The following MMS19 variants were observed in gnomAD, a reference collection of about 807,000 sequenced individuals.
MMS19 encodes MMS19 nucleotide excision repair protein homolog.
MMS19 carries 77 observed loss-of-function variants against 129.8 expected under a neutral mutation model. The ratio of observed to expected loss-of-function variants is 0.59; its 90% confidence interval spans 0.49 to 0.72. The LOEUF (loss-of-function observed/expected upper bound fraction) is 0.72, where lower values mean the gene tolerates loss of function less well. MMS19 is among the 30% of genes least tolerant of loss of function. The pLI is 0.00. For missense variants in MMS19, 1,168 were observed against 1,266.3 expected (o/e 0.92, Z 1.18); for synonymous variants, 491 against 502.8 (o/e 0.98, Z 0.31).
rs144196276 is a variant in MMS19, at chr10:97,469,654, G to A, written c.916C>T (p.Arg306Cys). 11 of 1,613,406 alleles carry A rather than the reference G, an allele frequency of 6.8e-6. No individual in the cohort carries two copies. The highest frequency in any genetic ancestry group is 2.2e-5 in the East Asian group (1 of 44,876). Residue 306 changes from arginine to cysteine, a missense_variant, in exon 11 of 31, where the codon CGC (arginine) becomes TGC (cysteine). This residue lies in a region of MMS19 where 831 missense variants were observed against 910.8 expected (regional missense o/e 0.91). Transcript: ENST00000438925. ...DFLPSLWASI[R>C]REVFQTASER... ...ATCTGAGTGACACTCACCTCTCTGC[G>A]GATAGAAGCCCAAAGGCTGGGGAGG...
intron 8 of MMS19, 77 bp downstream of exon 8, chr10:97,476,606 C>A: frequency 7.2e-7 from 1 of 1,396,708 alleles, no homozygotes; most frequent in East Asian, 2.3e-5. Context: ...GACCTGTACC[C>A]TCAGTGCCCA....
intron 1 of MMS19, among the ~76,000 whole-genome samples, chr10:97,488,478 T>C (rs1383677950): frequency 3.3e-5 from 5 of 152,222 alleles, no homozygotes; most frequent in African/African-American, 1.2e-4. Flanking sequence ...CATGAGAGAC[T>C]GGCTCCAGGA....
chr10:97,459,371 G>C lies in MMS19; in HGVS notation c.2895C>G (p.Ser965Arg). The C allele has an allele frequency of 6.2e-7, 1 of 1,605,670 alleles. No homozygotes were observed. The highest frequency in any genetic ancestry group is 1.3e-5 in the African/African-American group (1 of 74,906). ...LVTKFLNLSS[S>R]PSMAVRIAAL... ...CTGGGGCTCAACGCACCATGGAAGG[G>C]CTAGAGCTGAGGTTCAGAAACTTGG... is the stretch of plus-strand genomic sequence containing the variant. The change falls in exon 28 of 31, where the codon AGC becomes AGG. Residue 965 changes from serine (S) to arginine (R), a missense_variant. Ser to Arg is a moderately radical substitution (Grantham distance 110). Coordinates refer to ENST00000438925, the MANE Select transcript of MMS19 (RefSeq NM_022362.5).
rs751852210 is a variant in MMS19 at position 97,477,908 on chromosome 10, G to A, written c.370C>T (p.Pro124Ser). Residue 124 changes from proline (P) to serine (S), a missense_variant, in exon 5 of 31, where the codon CCA becomes TCA. Transcript: ENST00000438925. ...TTAAGCACAGAAACAGCCAGCCCTG[G>A]GGGCAGGGCCACACACAGGCTCTGG... ...KALSLCVALP[P>S]GLAVSVLKAI... The A allele has an allele frequency of 6.2e-7, 1 of 1,607,386 alleles. No individual in the cohort carries two copies. Among genetic ancestry groups the A allele is most frequent in the East Asian group, 2.2e-5 (1 of 44,782 alleles).
chr10:97,490,164 G>C (rs907580853), intron 1 of MMS19, among the ~76,000 whole-genome samples: 3 of 151,938 alleles, frequency 2.0e-5, no homozygotes, highest in Non-Finnish European at 4.4e-5. Flanking sequence ...CTGCAGCCTC[G>C]ACTTCCCAGG....
In MMS19 at chr10:97,468,409, A is replaced by G; in HGVS notation, c.1064-3T>C. The G allele has an allele frequency of 1.3e-6, 2 of 1,599,774 alleles. No individual in the cohort carries two copies. Among genetic ancestry groups the G allele is most frequent in the Non-Finnish European group, 1.7e-6 (2 of 1,170,384 alleles). ...TTCACACAGGTGGTGCCTGCAGTCT[A>G]GAGAAGCAGCACATCACAGAGCTGG... On this transcript the variant is annotated splice_polypyrimidine_tract_variant and splice_region_variant and intron_variant, in intron 12 of 30. Coordinates refer to ENST00000438925, the MANE Select transcript of MMS19 (RefSeq NM_022362.5).
intron 1 of MMS19, among the ~76,000 whole-genome samples, chr10:97,496,209 T>C (rs1412314739): frequency 1.3e-5 from 2 of 152,094 alleles, no homozygotes; most frequent in Non-Finnish European, 1.5e-5. Flanking sequence ...AAAATATAAA[T>C]TTTGCAAAAA....
At chr10:97,487,318 C>CTTTTTTT (rs201462938) in intron 1 of MMS19, among the ~76,000 whole-genome samples, 1 of 137,668 alleles carries the variant, frequency 7.3e-6, no homozygotes, top group Non-Finnish European at 1.6e-5. Context: ...GAGAAAATTT[C>CTTTTTTT]TTTTTTTTTT....
intron 13 of MMS19, 32 bp from the exon 14 acceptor site, chr10:97,467,615 G>A (rs763473640): frequency 3.7e-6 from 6 of 1,601,262 alleles, no homozygotes; most frequent in Non-Finnish European, 5.1e-6. Flanking sequence ...TAGAGTCAAA[G>A]AATATTTTAA....
intron 21 of MMS19, 43 bp downstream of exon 21, chr10:97,461,973 TA>T (rs760858902): frequency 3.6e-5 from 55 of 1,530,098 alleles, no homozygotes; most frequent in East Asian, 7.2e-5. Context: ...AGATTAGCCC[TA>T]AAAAAAAACC....
chr10:97,488,057 C>A (rs765445716), intron 1 of MMS19, among the ~76,000 whole-genome samples: 6 of 151,888 alleles, frequency 4.0e-5, no homozygotes, highest in Non-Finnish European at 7.4e-5. Flanking sequence ...CCACTGCACT[C>A]CAGCCTGGGT....
chr10:97,459,163 A>G, intron 29 of MMS19, 60 bp downstream of exon 29: 2 of 1,533,288 alleles, frequency 1.3e-6, no homozygotes, highest in Non-Finnish European at 8.8e-7. Flanking sequence ...TAAGGCAAAA[A>G]GGTACTTATG....
intron 14 of MMS19, 120 bp from the exon 15 acceptor site, chr10:97,467,021 C>T: frequency 8.9e-7 from 1 of 1,118,074 alleles, no homozygotes; most frequent in Non-Finnish European, 1.3e-6. Flanking sequence ...CTCTGTTGCC[C>T]AGGCTGGAGT....
Position 97,469,123 on chromosome 10 carries a change from A to G in MMS19, c.925-19T>C. On this transcript the variant is annotated intron_variant, in intron 11 of 30. Transcript: ENST00000438925. Reference sequence around the variant, plus strand: ...GGAACACCTGTCAGGGAGGGATCCCATGGCTACTGAGGTGAGCCTGCACCA... The same window carrying G: ...GGAACACCTGTCAGGGAGGGATCCCGTGGCTACTGAGGTGAGCCTGCACCA... 6.4e-7 allele frequency: 1 copy of G among 1,561,146 alleles called. No homozygotes were observed. Among genetic ancestry groups the G allele is most frequent in the South Asian group, 1.2e-5 (1 of 85,474 alleles).
At chr10:97,497,870 G>C (rs930381132) in intron 1 of MMS19, among the ~76,000 whole-genome samples, 1 of 152,096 alleles carries the variant, frequency 6.6e-6, no homozygotes, top group Non-Finnish European at 1.5e-5. Flanking sequence ...ACGCTGCGAG[G>C]ATGCACCTCC....
chr10:97,492,353 T>C (rs945935870), intron 1 of MMS19, among the ~76,000 whole-genome samples: 6 of 151,320 alleles, frequency 4.0e-5, no homozygotes, highest in African/African-American at 1.5e-4. Flanking sequence ...CGGGCGCCTG[T>C]AGTCCCAGCT....
intron 26 of MMS19, 62 bp from the exon 27 acceptor site, chr10:97,459,803 A>G: frequency 7.4e-7 from 1 of 1,342,762 alleles, no homozygotes; most frequent in Non-Finnish European, 1.0e-6. Flanking sequence ...TGAGAAATCA[A>G]TTCCAATCTG....
intron 1 of MMS19, among the ~76,000 whole-genome samples, chr10:97,487,479 C>T (rs1254834316): frequency 1.3e-5 from 2 of 152,128 alleles, no homozygotes; most frequent in East Asian, 3.9e-4. Flanking sequence ...CCACCACACC[C>T]GGCTAATTTT....
chr10:97,473,282 C>G (rs1465275337), intron 8 of MMS19, among the ~76,000 whole-genome samples: 1 of 152,042 alleles, frequency 6.6e-6, no homozygotes, highest in African/African-American at 2.4e-5. Context: ...GTGATCCACC[C>G]GCCTCGGCCT....
Sources: gnomAD v4.1 joint callset for allele counts (sites outside exome capture counted in the v4.1 genomes callset) on GRCh38, gnomAD v4.1.1 for gene constraint, gnomAD v4.1.1 regional missense constraint, MANE v1.5 for transcripts, NCBI Gene and HGNC (gene_info 2026-07-23, HGNC 2026-07-21) for gene names.